NAALADL2: variants seen among roughly 807,000 people sequenced by gnomAD.
The protein encoded by NAALADL2 is inactive N-acetylated-alpha-linked acidic dipeptidase-like protein 2.
A neutral mutation model predicts 87.2 loss-of-function variants in NAALADL2; 76 were observed. The observed-to-expected ratio is 0.87, with a 90% CI of 0.72 to 1.05. NAALADL2 has a LOEUF of 1.05. Ranked by LOEUF, NAALADL2 falls within the 50% of genes least tolerant of loss-of-function variation. NAALADL2 has a pLI of 0.00. For synonymous variants in NAALADL2, 354 were observed against 331.0 expected (o/e 1.07, Z -0.75); for missense variants, 1,089 against 945.8 (o/e 1.15, Z -1.99).
intron 11 of NAALADL2, among the ~76,000 whole-genome samples, chr3:175,656,969 G>T (rs549121793): frequency 6.6e-6 from 1 of 152,062 alleles, no homozygotes; most frequent in African/African-American, 2.4e-5. Flanking sequence ...TAGAAACTTC[G>T]TGTATCACTT....
At chr3:175,353,031 T>C (rs1274280583) in intron 5 of NAALADL2, among the ~76,000 whole-genome samples, 1 of 152,040 alleles carries the variant, frequency 6.6e-6, no homozygotes, top group Non-Finnish European at 1.5e-5. Context: ...TTCAAAAGGA[T>C]GATATGGAAT....
intron 5 of NAALADL2, among the ~76,000 whole-genome samples, chr3:175,423,028 A>AAAT (rs1438736874): frequency 1.2e-3 from 130 of 111,300 alleles, no homozygotes; most frequent in African/African-American, 4.0e-3. Flanking sequence ...GAAAAAAAAA[A>AAAT]ATATATATAT....
chr3:174,832,005 C>G (rs1463259005), intron 3 of NAALADL2, among the ~76,000 whole-genome samples: 4 of 151,368 alleles, frequency 2.6e-5, no homozygotes, highest in Non-Finnish European at 5.9e-5. Context: ...CTCTTTTTTT[C>G]TTTATTTGTC....
At chr3:175,072,243 C>T (rs989076643) in intron 1 of NAALADL2, among the ~76,000 whole-genome samples, 2 of 152,144 alleles carry the variant, frequency 1.3e-5, no homozygotes, top group African/African-American at 4.8e-5. Flanking sequence ...GTTTATCCTG[C>T]CATAGGCAAG....
At chr3:174,638,412 G>A (rs572684417) in intron 2 of NAALADL2, among the ~76,000 whole-genome samples, 42 of 152,214 alleles carry the variant, frequency 2.8e-4, no homozygotes, top group South Asian at 6.2e-4. Flanking sequence ...TGGGACAAAG[G>A]ACCCTAACTC....
chr3:175,040,468 G>A (rs1174966741), intron 1 of NAALADL2, among the ~76,000 whole-genome samples: 1 of 152,054 alleles, frequency 6.6e-6, no homozygotes. Context: ...GAAAACTTAC[G>A]GGGGCCGTTT....
intron 11 of NAALADL2, among the ~76,000 whole-genome samples, chr3:175,736,179 G>A (rs1420023129): frequency 5.3e-5 from 8 of 152,210 alleles, no homozygotes; most frequent in Non-Finnish European, 8.8e-5. Context: ...GCAGATGCTA[G>A]TTCAGCTGTA....
At chr3:175,150,452 T>G (rs572722096) in intron 2 of NAALADL2, among the ~76,000 whole-genome samples, 1 of 152,312 alleles carries the variant, frequency 6.6e-6, no homozygotes. Flanking sequence ...AAAAAAGATA[T>G]GACAGGTGCC....
chr3:175,357,973 G>A (rs1258012120), intron 5 of NAALADL2, among the ~76,000 whole-genome samples: 1 of 152,170 alleles, frequency 6.6e-6, no homozygotes, highest in Non-Finnish European at 1.5e-5. Flanking sequence ...GGTTACCTAA[G>A]TTCAAACTGG....
At chr3:175,746,294 T>A (rs575256100) in intron 12 of NAALADL2, among the ~76,000 whole-genome samples, 94 of 150,440 alleles carry the variant, frequency 6.2e-4, no homozygotes, top group Non-Finnish European at 1.1e-3. Context: ...GTAGTTTCAA[T>A]TTTTAGGTGT....
chr3:174,453,577 AC>A (rs1025835877), intron 1 of NAALADL2, among the ~76,000 whole-genome samples: 2 of 151,506 alleles, frequency 1.3e-5, no homozygotes, highest in Non-Finnish European at 1.5e-5. Flanking sequence ...TTCTGTAGAA[AC>A]CCCACAAGCC....
chr3:175,744,183 G>C (rs1745618920), intron 12 of NAALADL2, among the ~76,000 whole-genome samples: 1 of 152,182 alleles, frequency 6.6e-6, no homozygotes, highest in African/African-American at 2.4e-5. Flanking sequence ...TTATACCTAA[G>C]CGTGTGTCAT....
At chr3:175,418,688 A>C (rs993723236) in intron 5 of NAALADL2, among the ~76,000 whole-genome samples, 11 of 152,084 alleles carry the variant, frequency 7.2e-5, no homozygotes, top group Non-Finnish European at 1.5e-4. Flanking sequence ...TTGGTCGATG[A>C]AATATAGTGA....
intron 2 of NAALADL2, among the ~76,000 whole-genome samples, chr3:175,201,913 GA>G (rs1160701093): frequency 6.6e-6 from 1 of 152,000 alleles, no homozygotes; most frequent in Non-Finnish European, 1.5e-5. Flanking sequence ...TTCTTTCTAA[GA>G]AAGAATACAC....
chr3:175,150,285 T>A (rs1731356878), intron 2 of NAALADL2, among the ~76,000 whole-genome samples: 1 of 152,200 alleles, frequency 6.6e-6, no homozygotes, highest in South Asian at 2.1e-4. Context: ...TAAAATTTGA[T>A]AGCAGTACCT....
chr3:175,538,337 A>G (rs1398847751), intron 9 of NAALADL2, among the ~76,000 whole-genome samples: 2 of 152,088 alleles, frequency 1.3e-5, no homozygotes, highest in South Asian at 2.1e-4. Context: ...GGTATAAAAT[A>G]TTAACATTTT....
intron 2 of NAALADL2, among the ~76,000 whole-genome samples, chr3:175,160,425 G>A (rs1202535837): frequency 1.1e-5 from 1 of 91,974 alleles, no homozygotes; most frequent in Non-Finnish European, 1.9e-5. Context: ...AGGCTGGAGT[G>A]CTCCGCAACC....
At chr3:174,787,612 T>TACAC (rs1218046002) in intron 3 of NAALADL2, among the ~76,000 whole-genome samples, 17 of 100,514 alleles carry the variant, frequency 1.7e-4, no homozygotes, top group East Asian at 5.2e-4. Context: ...TATATATATA[T>TACAC]ATATATATAG....
chr3:174,739,049 C>T (rs144415658), intron 3 of NAALADL2, among the ~76,000 whole-genome samples: 557 of 151,920 alleles, frequency 3.7e-3, no homozygotes, highest in Non-Finnish European at 5.3e-3. Context: ...AACAGTCTAA[C>T]GAAAATATTT....
Sources: gnomAD v4.1 joint callset for allele counts (sites outside exome capture counted in the v4.1 genomes callset) on GRCh38, gnomAD v4.1.1 for gene constraint, MANE v1.5 for transcripts, NCBI Gene and HGNC (gene_info 2026-07-23, HGNC 2026-07-21) for gene names.